NEMP2: variants seen among roughly 807,000 people sequenced by gnomAD.
NEMP2 encodes UPF0571 transmembrane protein.
In NEMP2, 53 loss-of-function variants were observed where a neutral mutation model predicts 54.2. That is an observed-to-expected ratio of 0.98 (90% CI 0.78 to 1.23). The LOEUF (loss-of-function observed/expected upper bound fraction) is 1.23. NEMP2 is among the 50% of genes most tolerant of loss of function. The pLI, the probability that NEMP2 is intolerant of heterozygous loss-of-function variation, is 0.00. For synonymous variants in NEMP2, 197 were observed against 190.3 expected (o/e 1.04, Z -0.29); for missense variants, 455 against 511.3 (o/e 0.89, Z 1.06).
At chr2:190,585,073 G>A in the NEMP2 span, among the ~76,000 whole-genome samples, 1 of 152,182 alleles carries the variant, frequency 6.6e-6, no homozygotes, top group Non-Finnish European at 1.5e-5. This position sits in a 1 kb window ranked among gnomAD's most constrained non-coding sequence, Gnocchi z 5.3. Flanking sequence ...TTCAGTCCAT[G>A]GCACAGGCAC....
the NEMP2 span, among the ~76,000 whole-genome samples, chr2:190,486,829 G>A: frequency 1.3e-5 from 2 of 152,148 alleles, no homozygotes; most frequent in East Asian, 1.9e-4. Context: ...TCTTAATCTC[G>A]TCTAGCTATA....
chr2:190,466,262 C>G, the NEMP2 span, among the ~76,000 whole-genome samples: 2 of 152,206 alleles, frequency 1.3e-5, no homozygotes, highest in Admixed American at 6.5e-5. Flanking sequence ...GACTTCAGCA[C>G]ATGAACTGGG....
intron 1 of NEMP2, among the ~76,000 whole-genome samples, chr2:190,532,769 G>C (rs1427831144): frequency 6.6e-6 from 1 of 152,200 alleles, no homozygotes; most frequent in Non-Finnish European, 1.5e-5. Context: ...GACTTTTAAA[G>C]AGCAGCTATG....
the NEMP2 span, among the ~76,000 whole-genome samples, chr2:190,601,488 G>T: frequency 6.6e-6 from 1 of 152,184 alleles, no homozygotes; most frequent in African/African-American, 2.4e-5. The surrounding 1 kb of genome is among the most constrained non-coding windows in gnomAD (Gnocchi z 5.8). Flanking sequence ...TCCTGGAAGG[G>T]TGCTGGTTTG....
At chr2:190,610,702 A>G in the NEMP2 span, 1 of 152,352 alleles carries the variant, frequency 6.6e-6, no homozygotes, top group South Asian at 2.1e-4. The surrounding 1 kb of genome is among the most constrained non-coding windows in gnomAD (Gnocchi z 5.4). Flanking sequence ...TAGTTTCCAA[A>G]TTTTGGAATC....
chr2:190,483,635 G>C, the NEMP2 span, among the ~76,000 whole-genome samples: 1 of 152,038 alleles, frequency 6.6e-6, no homozygotes, highest in Non-Finnish European at 1.5e-5. Context: ...AAGAGATCAA[G>C]ACCATCCTGG....
At chr2:190,430,009 C>T in the NEMP2 span, among the ~76,000 whole-genome samples, 1 of 150,908 alleles carries the variant, frequency 6.6e-6, no homozygotes, top group Non-Finnish European at 1.5e-5. Flanking sequence ...TCCCCACCCC[C>T]CAACAGGCCC....
In NEMP2 at chr2:190,530,520, T is replaced by C. The variant is rs927337666; in HGVS notation, c.97+4039A>G. 6.6e-6 allele frequency among the ~76,000 whole-genome samples: 1 copy of C among 152,214 alleles called. No homozygotes were observed. Among genetic ancestry groups the C allele is most frequent in the Non-Finnish European group, 1.5e-5 (1 of 68,036 alleles). On this transcript the variant is annotated intron_variant, in intron 1 of 8. Coordinates refer to ENST00000409150, the MANE Select transcript of NEMP2 (RefSeq NM_001142645.2). This position sits in a 1 kb window ranked among gnomAD's most constrained non-coding sequence, Gnocchi z 4.6. ...TTTGGACTAGGCAAAAGACAGTGAT[T>C]GTCACAAGACTGTTATCACAGCTGG...
the NEMP2 span, among the ~76,000 whole-genome samples, chr2:190,472,971 A>C: frequency 6.6e-6 from 1 of 152,254 alleles, no homozygotes; most frequent in Non-Finnish European, 1.5e-5. Flanking sequence ...CCAGAATTTC[A>C]TATCCAGCCA....
chr2:190,647,710 C>CTTTTTTTTTTTTTTTTTTTTTTT, the NEMP2 span, among the ~76,000 whole-genome samples: 1 of 102,384 alleles, frequency 9.8e-6, no homozygotes, highest in Admixed American at 1.3e-4. Context: ...TCTTCTTCTT[C>CTTTTTTTTTTTTTTTTTTTTTTT]TTTTTTTTTT....
At chr2:190,587,950 C>G in the NEMP2 span, among the ~76,000 whole-genome samples, 1 of 152,140 alleles carries the variant, frequency 6.6e-6, no homozygotes, top group Non-Finnish European at 1.5e-5. The surrounding 1 kb of genome is among the most constrained non-coding windows in gnomAD (Gnocchi z 5.4). Flanking sequence ...CACATCTACA[C>G]TGAGCATGAA....
rs138121921 is a variant in NEMP2 at position 190,523,485 on chromosome 2, A to C, written c.213+1778T>G. ...TGAACCCTGTGGTATTGGAGATCTC[A>C]GAACTCACGGTTTCTAATAGGTAGA... On this transcript the variant is annotated intron_variant, in intron 2 of 8. Coordinates refer to ENST00000409150, the MANE Select transcript of NEMP2 (RefSeq NM_001142645.2). This position sits in a 1 kb window ranked among gnomAD's most constrained non-coding sequence, Gnocchi z 5.3. 6.1e-4 allele frequency among the ~76,000 whole-genome samples: 93 copies of C among 152,336 alleles called. No homozygotes were observed. The highest frequency in any genetic ancestry group is 2.1e-3 in the African/African-American group (87 of 41,584).
At chr2:190,436,629 C>A in the NEMP2 span, 1 of 1,614,184 alleles carries the variant, frequency 6.2e-7, no homozygotes, top group Non-Finnish European at 8.5e-7. This position sits in a 1 kb window ranked among gnomAD's most constrained non-coding sequence, Gnocchi z 5.3. Context: ...AGAAAAGAAA[C>A]CTTTTGGAAA....
chr2:190,549,110 G>T, the NEMP2 span, among the ~76,000 whole-genome samples: 2 of 152,174 alleles, frequency 1.3e-5, no homozygotes, highest in African/African-American at 4.8e-5. Context: ...GTTTCCCACA[G>T]CTGAGTATCA....
downstream of NEMP2, among the ~76,000 whole-genome samples, chr2:190,503,878 T>C (rs1484575281): frequency 6.6e-6 from 1 of 152,168 alleles, no homozygotes; most frequent in African/African-American, 2.4e-5. This position sits in a 1 kb window ranked among gnomAD's most constrained non-coding sequence, Gnocchi z 6.3. Context: ...TGGCTTCTTA[T>C]AAGGGAGTAA....
chr2:190,474,328 TAAA>T, the NEMP2 span, among the ~76,000 whole-genome samples: 4 of 151,630 alleles, frequency 2.6e-5, no homozygotes, highest in African/African-American at 9.7e-5. Flanking sequence ...GCAAGACTAA[TAAA>T]GAAGAAAAGA....
upstream of NEMP2, among the ~76,000 whole-genome samples, chr2:190,537,733 A>G (rs1691423168): frequency 6.6e-6 from 1 of 152,208 alleles, no homozygotes; most frequent in Non-Finnish European, 1.5e-5. Flanking sequence ...AGAAAAGGAA[A>G]ACCCATTTTC....
chr2:190,428,760 C>T, the NEMP2 span, among the ~76,000 whole-genome samples: 2 of 152,036 alleles, frequency 1.3e-5, no homozygotes, highest in East Asian at 1.9e-4. Flanking sequence ...TGCAACCCTG[C>T]TTCCTGGGTT....
the NEMP2 span, among the ~76,000 whole-genome samples, chr2:190,480,653 G>C: frequency 6.6e-6 from 1 of 152,156 alleles, no homozygotes; most frequent in Non-Finnish European, 1.5e-5. Flanking sequence ...AAGTGCTAAG[G>C]CTTGAATTAG....
Sources: allele counts gnomAD v4.1 joint callset (sites outside exome capture counted in the v4.1 genomes callset), GRCh38; gene constraint gnomAD v4.1.1; non-coding constraint Gnocchi (gnomAD v3.1); transcripts MANE v1.5; gene names NCBI Gene and HGNC (gene_info 2026-07-23, HGNC 2026-07-21).